The following BAG6 variants were observed in gnomAD, a reference collection of about 807,000 sequenced individuals.
BAG6 encodes BAG cochaperone 6, also known as large proline-rich protein BAG6.
BAG6 carries 22 observed loss-of-function variants against 121.0 expected under a neutral mutation model. The observed-to-expected ratio is 0.18, with a 90% CI of 0.13 to 0.26. The LOEUF (loss-of-function observed/expected upper bound fraction) is 0.26. BAG6 is among the 10% of genes least tolerant of loss of function. The pLI is 1.00. For synonymous variants in BAG6, 583 were observed against 584.6 expected (o/e 1.00, Z 0.04); for missense variants, 1,233 against 1,537.7 (o/e 0.80, Z 3.31).
chr6:31,641,484 G>C lies in BAG6; in HGVS notation c.2559+55C>G. ...GAATCATAAGACTGGGAGTGGAGGA[G>C]GCAGCTGCCTTGACCAGACCCAGGA... is the stretch of plus-strand genomic sequence containing the variant. On this transcript the variant is annotated intron_variant, in intron 18 of 25. Transcript: ENST00000676615. This position sits in a 1 kb window ranked among gnomAD's most constrained non-coding sequence, Gnocchi z 5.7. The C allele has an allele frequency of 6.2e-7, 1 of 1,613,968 alleles. No homozygotes were observed. The highest frequency in any genetic ancestry group is 8.5e-7 in the Non-Finnish European group (1 of 1,179,830).
Position 31,642,974 on chromosome 6 carries a change from G to T in BAG6, c.1898C>A (p.Ala633Asp). Residue 633 changes from alanine (A) to aspartate (D), a missense_variant, in exon 15 of 26, where the codon GCT (alanine) becomes GAT (aspartate). Physicochemically the swap from Ala to Asp is moderately radical, Grantham distance 126. Transcript: ENST00000676615. ...QPPPTPQPSM[A>D]DLQFSQLLGN... Reference sequence around the variant, plus strand: ...CAGAAGCTGAGAGAACTGAAGATCAGCCATGGAGGGTTGAGGGGTGGGTGG... The same window carrying T: ...CAGAAGCTGAGAGAACTGAAGATCATCCATGGAGGGTTGAGGGGTGGGTGG... The T allele has an allele frequency of 6.2e-7, 1 of 1,601,578 alleles. No individual in the cohort carries two copies. The highest frequency in any genetic ancestry group is 8.5e-7 in the Non-Finnish European group (1 of 1,174,660).
At position 31,652,439 on chromosome 6, in the gene BAG6, AC is replaced by A. The variant is rs1441883863; in HGVS notation, c.-30del. ...TCCCCCAAACCTGCCACCGACGGCC[AC>A]TTCCGTTTCCCCGATAGTATTTGGG... is the stretch of plus-strand genomic sequence containing the variant. On this transcript the variant is annotated 5_prime_UTR_variant, in exon 1 of 26. It adds an upstream start codon to the 5' untranslated region. Transcript: ENST00000676615. 1.3e-5 allele frequency: 2 copies of A among 149,690 alleles called. No individual in the cohort carries two copies. Among genetic ancestry groups the A allele is most frequent in the Admixed American group, 6.7e-5 (1 of 15,032 alleles). The allele number at this position is 149,690 out of a possible 1,614,324, so 9.3% of individuals were successfully genotyped here.
At position 31,642,353 on chromosome 6, in the gene BAG6, A is replaced by AGGTGGTGGGGGTGGAGGAGGTGGG; in HGVS notation, c.2070_2093dup (p.Pro691_Pro698dup). The AGGTGGTGGGGGTGGAGGAGGTGGG allele has an allele frequency of 1.8e-6, 1 of 550,420 alleles. No homozygotes were observed. Among genetic ancestry groups the AGGTGGTGGGGGTGGAGGAGGTGGG allele is most frequent in the Non-Finnish European group, 2.4e-6 (1 of 424,408 alleles). 34.1% of individuals were successfully genotyped at this position (550,420 alleles called of 1,614,324 possible). A position where few individuals can be genotyped will look rare whatever the true frequency, so the allele number is the denominator to read the frequency against. Reference sequence around the variant, plus strand: ...GGGGCATGGTCTGCTGCTCTGGGGCAGGTGGTGGGGGTGGAGGAGGTGGGG... The same window carrying AGGTGGTGGGGGTGGAGGAGGTGGG: ...GGGGCATGGTCTGCTGCTCTGGGGCAGGTGGTGGGGGTGGAGGAGGTGGGGGTGGTGGGGGTGGAGGAGGTGGGG... On this transcript the variant is annotated inframe_insertion, in exon 16 of 26. Coordinates refer to ENST00000676615, the MANE Select transcript of BAG6 (RefSeq NM_001387994.1).
intron 25 of BAG6, 50 bp downstream of exon 25, chr6:31,639,445 GACCCT>G: frequency 6.4e-7 from 1 of 1,573,198 alleles, no homozygotes; most frequent in African/African-American, 1.4e-5. Flanking sequence ...AGGGAAGAGG[GACCCT>G]AGCCCAACCC....
intron 2 of BAG6, among the ~76,000 whole-genome samples, chr6:31,650,479 C>T (rs1003739612): frequency 1.3e-5 from 2 of 151,856 alleles, no homozygotes; most frequent in African/African-American, 2.4e-5. Flanking sequence ...CTGGCCAACA[C>T]GGTAAAACCC....
Position 31,640,921 on chromosome 6 carries a change from C to A in BAG6, c.2805G>T (p.Gly935=), listed in dbSNP as rs918458606. The A allele has an allele frequency of 6.2e-7, 1 of 1,612,538 alleles. No individual in the cohort carries two copies. The highest frequency in any genetic ancestry group is 8.5e-7 in the Non-Finnish European group (1 of 1,179,932). Residue 935 remains glycine, a synonymous_variant, in exon 21 of 26, where the codon GGG becomes GGT. Coordinates refer to ENST00000676615, the MANE Select transcript of BAG6 (RefSeq NM_001387994.1). The surrounding 1 kb of genome is among the most constrained non-coding windows in gnomAD (Gnocchi z 4.2). ...GCCAGCTCACCAAGGAGGGATTCAC[C>A]CCACGAGACATACGACGCTGAGGGA... ...INGRIRRMSR[G]VNPSLVSWLT...
intron 7 of BAG6, 24 bp from the exon 8 acceptor site, chr6:31,646,547 T>C: frequency 1.2e-6 from 2 of 1,610,292 alleles, no homozygotes; most frequent in Non-Finnish European, 1.7e-6. Flanking sequence ...CAAGGGGCAA[T>C]GAGCCAAAGC....
Position 31,645,594 on chromosome 6 carries a change from C to T in BAG6, c.929G>A (p.Arg310Gln), listed in dbSNP as rs745594312. 9 of 1,612,934 alleles carry T rather than the reference C, an allele frequency of 5.6e-6. No homozygotes were observed. The highest frequency in any genetic ancestry group is 6.8e-6 in the Non-Finnish European group (8 of 1,180,022). ...TTDYNNNHEG[R>Q]EEDQRLINLV... ...GTTGATCAACCGCTGATCCTCCTCC[C>T]GGCCCTCGTGCTGCGCACAACCAGC... Residue 310 changes from arginine to glutamine, a missense_variant, in exon 9 of 26, where the codon CGG (arginine) becomes CAG (glutamine). Arg to Gln is a conservative substitution (Grantham distance 43). Coordinates refer to ENST00000676615, the MANE Select transcript of BAG6 (RefSeq NM_001387994.1).
Position 31,639,199 on chromosome 6 carries a change from G to C in BAG6, c.3421C>G (p.Gln1141Glu). Residue 1141 changes from glutamine to glutamate, a missense_variant, in exon 26 of 26, where the codon CAG becomes GAG. Transcript: ENST00000676615. ...QLRSDIQKRL[Q>E]EDPNYSPQRF... is the part of the protein sequence containing the mutation. ...TGGGGACTGTAGTTGGGGTCTTCCT[G>C]CAGTCGTTTTTGTATATCAGACCGG... is the stretch of plus-strand genomic sequence containing the variant. 6.2e-7 allele frequency: 1 copy of C among 1,613,908 alleles called. No individual in the cohort carries two copies.
In BAG6 at chr6:31,645,466, G is replaced by A. The variant is rs749706048; in HGVS notation, c.1057C>T (p.Arg353Trp). The change falls in exon 9 of 26, where the codon CGG becomes TGG. Residue 353 changes from arginine to tryptophan, a missense_variant. Around this residue, in one of 7 missense-constraint regions of BAG6, gnomAD observed 777 missense variants for 861.4 expected, o/e 0.90. Coordinates refer to ENST00000676615, the MANE Select transcript of BAG6 (RefSeq NM_001387994.1). ...GGGGTGGTGTAGTGAGACATAGGCC[G>A]GACCACATGCAGGTGTCGTGGGGGC... ...CTPPRHLHVV[R>W]PMSHYTTPMV... 1.2e-6 allele frequency: 2 copies of A among 1,613,060 alleles called. No homozygotes were observed. The highest frequency in any genetic ancestry group is 1.1e-5 in the South Asian group (1 of 91,084).
chr6:31,643,142 G>C (rs771493427), intron 14 of BAG6, 27 bp from the exon 15 acceptor site: 1 of 1,532,686 alleles, frequency 6.5e-7, no homozygotes, highest in South Asian at 1.2e-5. Flanking sequence ...AAAGAAAGCT[G>C]GGCTGAGCAT....
At position 31,641,121 on chromosome 6, in the gene BAG6, C is replaced by G. The variant is rs145164821; in HGVS notation, c.2770G>C (p.Val924Leu). 55 of 1,613,060 alleles carry G rather than the reference C, an allele frequency of 3.4e-5. No homozygotes were observed. Among genetic ancestry groups the G allele is most frequent in the Non-Finnish European group, 4.6e-5 (54 of 1,179,938 alleles). The change falls in exon 20 of 26, where the codon GTT becomes CTT. Residue 924 changes from valine (V) to leucine (L), a missense_variant. Physicochemically the swap from Val to Leu is conservative, Grantham distance 32 (BLOSUM62 1). This residue lies in a region of BAG6 where 288 missense variants were observed against 483.1 expected (regional missense o/e 0.60). Transcript: ENST00000676615. The surrounding 1 kb of genome is among the most constrained non-coding windows in gnomAD (Gnocchi z 5.7). ...GTGCTTACAATTCGGCCATTGATAA[C>G]AGCAGCAAGCTCCATCTGCTGTCCC... ...LGGQQMELAA[V>L]INGRIRRMSR...
intron 2 of BAG6, among the ~76,000 whole-genome samples, chr6:31,650,516 G>A (rs148970331): frequency 8.4e-4 from 128 of 152,032 alleles, no homozygotes; most frequent in Non-Finnish European, 1.4e-3. Context: ...ACAAAAATTA[G>A]CCGGGCGTGG....
intron 6 of BAG6, 156 bp from the exon 7 acceptor site, chr6:31,647,982 C>T: frequency 9.8e-7 from 1 of 1,015,332 alleles, no homozygotes; most frequent in Non-Finnish European, 1.3e-6. Flanking sequence ...TAGCATAAGA[C>T]TGACACAAAT....
intron 15 of BAG6, 192 bp from the exon 16 acceptor site, chr6:31,642,595 C>A (rs1784028310): frequency 1.5e-6 from 1 of 647,180 alleles, no homozygotes. Context: ...CCTACCTCTT[C>A]CTCTGAACAG....
At position 31,645,114 on chromosome 6, in the gene BAG6, G is replaced by A; in HGVS notation, c.1201C>T (p.Pro401Ser). The stretch of plus-strand genomic sequence containing the variant: ...GGAGCCACGGATGAGGCCTGCCCAG[G>A]ACCAGGGGGAGGTGCCTCTGCATTG... ...TPNAEAPPPG[P>S]GQASSVAPSS... The change falls in exon 10 of 26, where the codon CCT (proline) becomes TCT (serine). Residue 401 changes from proline (P) to serine (S), a missense_variant. Pro to Ser is a moderately conservative substitution (Grantham distance 74). Coordinates refer to ENST00000676615, the MANE Select transcript of BAG6 (RefSeq NM_001387994.1). 6.2e-7 allele frequency: 1 copy of A among 1,613,022 alleles called. No individual in the cohort carries two copies. Among genetic ancestry groups the A allele is most frequent in the Non-Finnish European group, 8.5e-7 (1 of 1,180,022 alleles).
chr6:31,642,263 C>T lies in BAG6; in HGVS notation c.2184G>A (p.Pro728=), dbSNP rs534596230. 362 of 1,609,314 alleles carry T rather than the reference C, an allele frequency of 2.2e-4. 1 individual carries two copies. Among genetic ancestry groups the T allele is most frequent in the South Asian group, 1.8e-3 (160 of 90,804 alleles). ...CCTGCACCACTGAGGTAAAAAACTC[C>T]GGTGACAGGCTCTCAAGACCCAGGC... ...PGGLGLESLS[P]EFFTSVVQGV... is the part of the protein sequence containing the mutation. The change falls in exon 16 of 26, where the codon CCG becomes CCA. Residue 728 remains proline (P), a synonymous_variant. Coordinates refer to ENST00000676615, the MANE Select transcript of BAG6 (RefSeq NM_001387994.1).
rs1738443212 is a variant in BAG6 at position 31,646,510 on chromosome 6, C to T, written c.802G>A (p.Ala268Thr). The T allele has an allele frequency of 2.5e-6, 4 of 1,612,644 alleles. No homozygotes were observed. The highest frequency in any genetic ancestry group is 3.4e-6 in the Non-Finnish European group (4 of 1,179,924). ...ETNAPNHPSP[A>T]EYVEVLQELQ... Reference sequence around the variant, plus strand: ...TCCTGGAGCACCTCGACATACTCCGCAGGGGAAGGATGGCTGTGGACAAAC... The same window carrying T: ...TCCTGGAGCACCTCGACATACTCCGTAGGGGAAGGATGGCTGTGGACAAAC... Residue 268 changes from alanine to threonine, a missense_variant, in exon 8 of 26, where the codon GCG becomes ACG. Ala to Thr is a moderately conservative substitution (Grantham distance 58). Around this residue, in one of 7 missense-constraint regions of BAG6, gnomAD observed 777 missense variants for 861.4 expected, o/e 0.90. Coordinates refer to ENST00000676615, the MANE Select transcript of BAG6 (RefSeq NM_001387994.1).
Position 31,647,708 on chromosome 6 carries a change from G to A in BAG6, c.671C>T (p.Pro224Leu), listed in dbSNP as rs1455171029. 6.2e-7 allele frequency: 1 copy of A among 1,603,868 alleles called. No individual in the cohort carries two copies. Among genetic ancestry groups the A allele is most frequent in the South Asian group, 1.1e-5 (1 of 89,650 alleles). Reference protein sequence around the residue: ...TSEPVESEAPPREPMEAEEVE... With the variant: ...TSEPVESEAPLREPMEAEEVE... Reference sequence around the variant, plus strand: ...TTCTTCTGCCTCCATGGGCTCCCGGGGAGGTGCTTCACTTTCAACTGGTTC... The same window carrying A: ...TTCTTCTGCCTCCATGGGCTCCCGGAGAGGTGCTTCACTTTCAACTGGTTC... The change falls in exon 7 of 26, where the codon CCC becomes CTC. Residue 224 changes from proline to leucine, a missense_variant. Transcript: ENST00000676615.
Sources: allele counts gnomAD v4.1 joint callset (sites outside exome capture counted in the v4.1 genomes callset), GRCh38; gene constraint gnomAD v4.1.1; regional missense constraint gnomAD v4.1.1; non-coding constraint Gnocchi (gnomAD v3.1); transcripts MANE v1.5; gene names NCBI Gene and HGNC (gene_info 2026-07-23, HGNC 2026-07-21).